PM20D2: variants seen among roughly 807,000 people sequenced by gnomAD.
PM20D2 encodes peptidase M20 domain containing 2, also known as xaa-Arg dipeptidase.
A neutral mutation model predicts 42.9 loss-of-function variants in PM20D2; 33 were observed. The ratio of observed to expected loss-of-function variants is 0.77; its 90% CI spans 0.58 to 1.03. The LOEUF is 1.03. PM20D2 is among the 50% of genes least tolerant of loss of function. The pLI, the probability that PM20D2 is intolerant of heterozygous loss-of-function variation, is 0.00. For missense variants in PM20D2, 548 were observed against 557.0 expected (o/e 0.98, Z 0.16); for synonymous variants, 250 against 228.2 (o/e 1.10, Z -0.86).
the PM20D2 span, chr6:89,106,890 A>AC: frequency 2.0e-6 from 1 of 497,968 alleles, no homozygotes; most frequent in Non-Finnish European, 3.9e-6. Context: ...ATCTGTGTCC[A>AC]CCCTCCCTCT....
At position 89,149,423 on chromosome 6, in the gene PM20D2, C is replaced by A. The variant is rs1474112765; in HGVS notation, c.614+10C>A. On this transcript the variant is annotated intron_variant, in intron 2 of 6. Transcript: ENST00000275072. ...ATATGGCTGAACATGAGTGAGTAAT[C>A]AAGTTGAAGATAAACTTCTTAGGGG... 6.2e-7 allele frequency: 1 copy of A among 1,612,440 alleles called. No individual in the cohort carries two copies. Among genetic ancestry groups the A allele is most frequent in the Non-Finnish European group, 8.5e-7 (1 of 1,179,276 alleles).
chr6:89,133,748 A>C, the PM20D2 span, among the ~76,000 whole-genome samples: 1 of 151,176 alleles, frequency 6.6e-6, no homozygotes, highest in Non-Finnish European at 1.5e-5. Context: ...CTGGAATGCC[A>C]GCAGTTATCT....
the PM20D2 span, among the ~76,000 whole-genome samples, chr6:89,119,350 C>T: frequency 6.6e-6 from 1 of 152,178 alleles, no homozygotes; most frequent in Admixed American, 6.5e-5. Flanking sequence ...GCTAGAGGGT[C>T]ACTTATGTTC....
chr6:89,153,506 ATTTC>A (rs1451477890), intron 3 of PM20D2, among the ~76,000 whole-genome samples: 4 of 152,192 alleles, frequency 2.6e-5, no homozygotes, highest in African/African-American at 7.2e-5. Flanking sequence ...TGTCCTCATT[ATTTC>A]TTAATGATAA....
the PM20D2 span, among the ~76,000 whole-genome samples, chr6:89,113,139 A>T: frequency 2.0e-4 from 30 of 152,156 alleles, no homozygotes; most frequent in Non-Finnish European, 3.1e-4. Context: ...TGCTGCATAT[A>T]TAATTTTACA....
the PM20D2 span, chr6:89,105,572 TA>T: frequency 1.5e-5 from 20 of 1,378,428 alleles, no homozygotes; most frequent in African/African-American, 2.9e-4. Context: ...AGATATCAAG[TA>T]AACATATTTT....
At chr6:89,134,340 C>T in the PM20D2 span, among the ~76,000 whole-genome samples, 5 of 151,092 alleles carry the variant, frequency 3.3e-5, no homozygotes, top group South Asian at 4.1e-4. Flanking sequence ...CAGCTTCCTT[C>T]GGCCAAACAC....
the PM20D2 span, chr6:89,098,352 T>C: frequency 2.5e-6 from 1 of 405,492 alleles, no homozygotes; most frequent in South Asian, 5.1e-5. Flanking sequence ...AAATAAAAAA[T>C]GGTCCATAAA....
chr6:89,144,936 C>T (rs1770471711), upstream of PM20D2, among the ~76,000 whole-genome samples: 1 of 152,214 alleles, frequency 6.6e-6, no homozygotes, highest in Admixed American at 6.5e-5. Context: ...GACATTTACT[C>T]TGGTATTATT....
At chr6:89,099,410 A>ATACACATATGTG in the PM20D2 span, among the ~76,000 whole-genome samples, 2 of 91,124 alleles carry the variant, frequency 2.2e-5, no homozygotes, top group African/African-American at 7.9e-5. Context: ...CTCCATATAT[A>ATACACATATGTG]TATACATATA....
chr6:89,155,868 C>T (rs1422860635), intron 4 of PM20D2, among the ~76,000 whole-genome samples: 2 of 149,940 alleles, frequency 1.3e-5, no homozygotes, highest in African/African-American at 4.9e-5. Context: ...CTTGCCACCA[C>T]ACCTGGCTAA....
At chr6:89,140,167 C>G in the PM20D2 span, among the ~76,000 whole-genome samples, 63 of 152,268 alleles carry the variant, frequency 4.1e-4, no homozygotes, top group African/African-American at 1.4e-3. Context: ...AGGCTGATCT[C>G]AAACCCCTGA....
chr6:89,131,967 C>A, the PM20D2 span, among the ~76,000 whole-genome samples: 5 of 152,310 alleles, frequency 3.3e-5, no homozygotes, highest in East Asian at 9.6e-4. Context: ...GATTCAACTT[C>A]TTGACAAGCT....
chr6:89,136,474 G>A, the PM20D2 span, among the ~76,000 whole-genome samples: 1 of 150,720 alleles, frequency 6.6e-6, no homozygotes, highest in Admixed American at 6.6e-5. Flanking sequence ...TCAGGAGATC[G>A]AGACCATCCT....
the PM20D2 span, among the ~76,000 whole-genome samples, chr6:89,118,485 C>T: frequency 6.6e-6 from 1 of 152,110 alleles, no homozygotes; most frequent in East Asian, 1.9e-4. Context: ...CGGTTTTGTT[C>T]GGATTTGTTT....
At chr6:89,108,823 A>G in the PM20D2 span, among the ~76,000 whole-genome samples, 3 of 152,224 alleles carry the variant, frequency 2.0e-5, no homozygotes, top group Non-Finnish European at 4.4e-5. Flanking sequence ...TAATTATTAG[A>G]AGCCAGTGAC....
the PM20D2 span, chr6:89,096,427 G>C: frequency 6.6e-6 from 1 of 152,150 alleles, no homozygotes; most frequent in Non-Finnish European, 1.5e-5. Context: ...AATAACTTAA[G>C]ACATATAGAA....
At chr6:89,154,219 C>A (rs1283903451) in intron 3 of PM20D2, among the ~76,000 whole-genome samples, 1 of 151,992 alleles carries the variant, frequency 6.6e-6, no homozygotes, top group Non-Finnish European at 1.5e-5. Context: ...AATCTTAATT[C>A]TTTATAATTC....
At chr6:89,120,554 C>T in the PM20D2 span, among the ~76,000 whole-genome samples, 2 of 152,056 alleles carry the variant, frequency 1.3e-5, no homozygotes, top group Non-Finnish European at 2.9e-5. Context: ...GACATGTAAA[C>T]GATTAACCTA....
Sources: gnomAD v4.1 joint callset for allele counts (sites outside exome capture counted in the v4.1 genomes callset) on GRCh38, gnomAD v4.1.1 for gene constraint, MANE v1.5 for transcripts, NCBI Gene and HGNC (gene_info 2026-07-23, HGNC 2026-07-21) for gene names.